The following MAP4K3 variants were observed in gnomAD, a reference collection of about 807,000 sequenced individuals.
MAP4K3 encodes the protein mitogen-activated protein kinase kinase kinase kinase 3.
MAP4K3 carries 94 observed loss-of-function variants against 143.5 expected under a neutral mutation model. That is an observed-to-expected ratio of 0.65 (90% CI 0.55 to 0.78). The LOEUF is 0.78. MAP4K3 is among the 30% of genes least tolerant of loss of function. The pLI is 0.00. For synonymous variants in MAP4K3, 416 were observed against 347.2 expected (o/e 1.20, Z -2.20); for missense variants, 1,077 against 1,068.1 (o/e 1.01, Z -0.12).
chr2:39,268,407 G>A (rs1430318285), intron 26 of MAP4K3, among the ~76,000 whole-genome samples: 1 of 151,518 alleles, frequency 6.6e-6, no homozygotes, highest in Non-Finnish European at 1.5e-5. Flanking sequence ...TGCAACCTCC[G>A]CCTCCCAGGT....
Position 39,309,495 on chromosome 2 carries a change from G to A in MAP4K3, c.1022C>T (p.Pro341Leu). 1.3e-6 allele frequency: 2 copies of A among 1,593,338 alleles called. No individual in the cohort carries two copies. The highest frequency in any genetic ancestry group is 1.7e-6 in the Non-Finnish European group (2 of 1,172,676). Residue 341 changes from proline to leucine, a missense_variant, in exon 14 of 34, where the codon CCC becomes CTC. By Grantham distance (98) the Pro-to-Leu change is moderately conservative (BLOSUM62 -3). Coordinates refer to ENST00000263881, the MANE Select transcript of MAP4K3 (RefSeq NM_003618.4). Reference sequence around the variant, plus strand: ...ATGTGGTTCTGTCTCCTTTCTTAAGGGTGGATCAAATTTCACTTGGCCAAC... The same window carrying A: ...ATGTGGTTCTGTCTCCTTTCTTAAGAGTGGATCAAATTTCACTTGGCCAAC... The part of the protein sequence containing the change: ...ITFGQVKFDP[P>L]LRKETEPHHE...
intron 1 of MAP4K3, among the ~76,000 whole-genome samples, chr2:39,427,683 C>T (rs1440300548): frequency 6.6e-6 from 1 of 152,112 alleles, no homozygotes; most frequent in Non-Finnish European, 1.5e-5. Context: ...AATCTTTTAA[C>T]TTCTAAATCA....
chr2:39,315,268 T>C (rs1250889036), intron 13 of MAP4K3, 42 bp downstream of exon 13: 2 of 1,316,164 alleles, frequency 1.5e-6, no homozygotes, highest in African/African-American at 3.0e-5. Flanking sequence ...TATAACTTAT[T>C]TTCTATCATT....
At chr2:39,356,039 G>C (rs1665602240) in intron 3 of MAP4K3, 2 of 437,182 alleles carry the variant, frequency 4.6e-6, no homozygotes, top group Non-Finnish European at 8.1e-6. Flanking sequence ...TTCACTAAAA[G>C]CACATCTAGA....
chr2:39,319,314 G>A (rs1287618217), intron 12 of MAP4K3, among the ~76,000 whole-genome samples: 1 of 151,592 alleles, frequency 6.6e-6, no homozygotes, highest in Non-Finnish European at 1.5e-5. Flanking sequence ...TAGGAAATAC[G>A]GAAACTAAAA....
chr2:39,344,489 A>G (rs1665229500), intron 3 of MAP4K3, among the ~76,000 whole-genome samples: 1 of 152,260 alleles, frequency 6.6e-6, no homozygotes. Context: ...TCATTGGAAC[A>G]CAGTCATACT....
intron 1 of MAP4K3, among the ~76,000 whole-genome samples, chr2:39,418,638 T>C (rs1040921588): frequency 6.6e-6 from 1 of 152,098 alleles, no homozygotes; most frequent in African/African-American, 2.4e-5. Flanking sequence ...ACACTGCCGG[T>C]GATCAAAGTT....
chr2:39,335,200 C>T (rs1683826554), intron 6 of MAP4K3, among the ~76,000 whole-genome samples: 1 of 152,106 alleles, frequency 6.6e-6, no homozygotes, highest in Non-Finnish European at 1.5e-5. Flanking sequence ...GGACTTTATA[C>T]TGAGTACAAT....
At chr2:39,398,228 A>C (rs980761466) in intron 1 of MAP4K3, among the ~76,000 whole-genome samples, 6 of 152,312 alleles carry the variant, frequency 3.9e-5, no homozygotes, top group African/African-American at 1.4e-4. Flanking sequence ...AGACTGAACA[A>C]ATTCAAGTGC....
At chr2:39,404,780 C>T (rs1051002297) in intron 1 of MAP4K3, among the ~76,000 whole-genome samples, 1 of 152,000 alleles carries the variant, frequency 6.6e-6, no homozygotes, top group Admixed American at 6.6e-5. Flanking sequence ...CACGACCACA[C>T]CTGGCTAATT....
At chr2:39,307,737 G>GTTTATTA (rs1682764963) in intron 15 of MAP4K3, among the ~76,000 whole-genome samples, 1 of 151,660 alleles carries the variant, frequency 6.6e-6, no homozygotes, top group Admixed American at 6.6e-5. Context: ...ATACAAGCAT[G>GTTTATTA]TTTATTACTA....
At chr2:39,267,673 G>A (rs1196407299) in intron 26 of MAP4K3, among the ~76,000 whole-genome samples, 1 of 64,628 alleles carries the variant, frequency 1.5e-5, no homozygotes. Context: ...AGCAAAACTC[G>A]GTCTCCAAAA....
chr2:39,291,555 T>C (rs1403375586), intron 18 of MAP4K3, among the ~76,000 whole-genome samples: 13 of 152,180 alleles, frequency 8.5e-5, no homozygotes, highest in Non-Finnish European at 1.5e-5. Context: ...AGAATGTGAC[T>C]GAAGTTAGGA....
At chr2:39,276,881 G>A (rs755046142) in intron 24 of MAP4K3, among the ~76,000 whole-genome samples, 2 of 152,202 alleles carry the variant, frequency 1.3e-5, no homozygotes, top group South Asian at 2.1e-4. Flanking sequence ...TAATGATTAC[G>A]GAGGTTCTTT....
chr2:39,295,148 G>C (rs1682219030), intron 16 of MAP4K3, among the ~76,000 whole-genome samples: 2 of 151,310 alleles, frequency 1.3e-5, no homozygotes, highest in Non-Finnish European at 2.9e-5. Flanking sequence ...TCAACAAAAA[G>C]TGTTCTGCAG....
intron 15 of MAP4K3, 62 bp downstream of exon 15, chr2:39,307,881 T>C (rs1470505684): frequency 8.4e-6 from 11 of 1,309,456 alleles, no homozygotes; most frequent in Non-Finnish European, 1.1e-5. Context: ...ATGTTTGATC[T>C]TAAAAGAAAA....
intron 18 of MAP4K3, among the ~76,000 whole-genome samples, chr2:39,292,240 T>C (rs1682074723): frequency 6.6e-6 from 1 of 152,180 alleles, no homozygotes; most frequent in African/African-American, 2.4e-5. Context: ...AAAATTATTG[T>C]CCTTTGGAAA....
At chr2:39,377,661 G>A (rs1666255576) in intron 2 of MAP4K3, among the ~76,000 whole-genome samples, 1 of 152,134 alleles carries the variant, frequency 6.6e-6, no homozygotes, top group Admixed American at 6.5e-5. Flanking sequence ...GAAGCTATTT[G>A]CCCAAGTTCA....
At chr2:39,260,304 C>G (rs1269004325) in intron 29 of MAP4K3, among the ~76,000 whole-genome samples, 1 of 151,970 alleles carries the variant, frequency 6.6e-6, no homozygotes, top group South Asian at 2.1e-4. Context: ...TTTTTAGAGA[C>G]AGGGTCTTGC....
Sources: allele counts gnomAD v4.1 joint callset (sites outside exome capture counted in the v4.1 genomes callset), GRCh38; gene constraint gnomAD v4.1.1; transcripts MANE v1.5; gene names NCBI Gene and HGNC (gene_info 2026-07-23, HGNC 2026-07-21).